Variants in ANGPT1 observed in about 807,000 individuals in gnomAD.
ANGPT1 encodes the protein angiopoietin 1.
ANGPT1 carries 17 observed loss-of-function variants against 62.2 expected under a neutral mutation model. The ratio of observed to expected loss-of-function variants is 0.27; its 90% CI spans 0.19 to 0.41. The LOEUF is 0.41. Among genes scored for constraint, ANGPT1 ranks in the 10% least tolerant of loss-of-function variants. ANGPT1 has a pLI of 1.00. For missense variants in ANGPT1, 478 were observed against 594.9 expected (o/e 0.80, Z 2.04); for synonymous variants, 199 against 198.9 (o/e 1.00, Z 0.00).
chr8:107,441,865 C>G (rs1252916130), intron 1 of ANGPT1, among the ~76,000 whole-genome samples: 1 of 152,082 alleles, frequency 6.6e-6, no homozygotes, highest in Non-Finnish European at 1.5e-5. Flanking sequence ...GTGGGTAGAT[C>G]ACGAGGTCAG....
intron 7 of ANGPT1, among the ~76,000 whole-genome samples, chr8:107,268,218 T>G (rs1202410197): frequency 6.6e-6 from 1 of 152,084 alleles, no homozygotes; most frequent in Non-Finnish European, 1.5e-5. Context: ...CTGATTAATT[T>G]TTGGTAAGCT....
intron 1 of ANGPT1, among the ~76,000 whole-genome samples, chr8:107,460,660 T>G (rs1812046456): frequency 6.6e-6 from 1 of 152,188 alleles, no homozygotes; most frequent in Non-Finnish European, 1.5e-5. Context: ...CATGATGTGC[T>G]AGTCAAATTG....
At chr8:107,325,124 G>A (rs1051844138) in intron 3 of ANGPT1, among the ~76,000 whole-genome samples, 2 of 152,064 alleles carry the variant, frequency 1.3e-5, no homozygotes, top group African/African-American at 2.4e-5. Context: ...GGAGAAGTTC[G>A]TGGTAAAACA....
intron 1 of ANGPT1, among the ~76,000 whole-genome samples, chr8:107,360,148 G>A (rs1015269916): frequency 1.3e-5 from 2 of 152,028 alleles, no homozygotes; most frequent in African/African-American, 2.4e-5. Flanking sequence ...AAACAAATAA[G>A]AAGAAATAAA....
At chr8:107,321,791 A>AT in intron 4 of ANGPT1, 105 bp downstream of exon 4, 1 of 911,014 alleles carries the variant, frequency 1.1e-6, no homozygotes. Context: ...TTCTTCTGCT[A>AT]TTTTTTACAC....
At chr8:107,316,960 C>G (rs1196881662) in intron 4 of ANGPT1, among the ~76,000 whole-genome samples, 2 of 152,146 alleles carry the variant, frequency 1.3e-5, no homozygotes, top group East Asian at 3.9e-4. Context: ...CATGGTAACT[C>G]CCTCATGTTG....
intron 1 of ANGPT1, among the ~76,000 whole-genome samples, chr8:107,418,394 ATGAGTGTC>A (rs1055287992): frequency 6.6e-6 from 1 of 152,178 alleles, no homozygotes; most frequent in African/African-American, 2.4e-5. Context: ...AAATGGGCAC[ATGAGTGTC>A]TGTGTTCTCT....
At chr8:107,428,094 A>T (rs1811084317) in intron 1 of ANGPT1, among the ~76,000 whole-genome samples, 1 of 152,256 alleles carries the variant, frequency 6.6e-6, no homozygotes, top group African/African-American at 2.4e-5. Context: ...ATGGCCTTTC[A>T]TGTGACCTTT....
chr8:107,417,160 G>T (rs1345611020), intron 1 of ANGPT1, among the ~76,000 whole-genome samples: 1 of 152,048 alleles, frequency 6.6e-6, no homozygotes, highest in African/African-American at 2.4e-5. Context: ...GCCTTCAGGA[G>T]AAATAAAAAG....
intron 7 of ANGPT1, among the ~76,000 whole-genome samples, chr8:107,278,527 G>C (rs1813918561): frequency 5.9e-5 from 9 of 152,228 alleles, no homozygotes. Context: ...GGTTAATCTG[G>C]GTACTCCATT....
intron 4 of ANGPT1, among the ~76,000 whole-genome samples, chr8:107,312,515 C>A (rs1028285183): frequency 6.6e-6 from 1 of 152,198 alleles, no homozygotes; most frequent in Non-Finnish European, 1.5e-5. Flanking sequence ...GACACATACA[C>A]AAAATTCCAC....
At chr8:107,354,477 T>C (rs1332502088) in intron 1 of ANGPT1, among the ~76,000 whole-genome samples, 1 of 152,168 alleles carries the variant, frequency 6.6e-6, no homozygotes, top group African/African-American at 2.4e-5. Context: ...TTCTAATGAC[T>C]CATGAAGCTC....
At chr8:107,305,877 A>T (rs1814703332) in intron 4 of ANGPT1, among the ~76,000 whole-genome samples, 1 of 152,068 alleles carries the variant, frequency 6.6e-6, no homozygotes, top group Admixed American at 6.6e-5. Context: ...TAGAGTAGCA[A>T]GGCATTGAAA....
At chr8:107,462,782 C>T (rs563081551) in intron 1 of ANGPT1, among the ~76,000 whole-genome samples, 1 of 151,876 alleles carries the variant, frequency 6.6e-6, no homozygotes, top group Non-Finnish European at 1.5e-5. Context: ...AGAAAACAAC[C>T]GACTAACCAA....
intron 6 of ANGPT1, among the ~76,000 whole-genome samples, chr8:107,288,303 C>T (rs577685434): frequency 1.3e-5 from 2 of 152,192 alleles, no homozygotes; most frequent in African/African-American, 4.8e-5. Context: ...TTATTCTTAC[C>T]TTTGCTTCCA....
rs1053347265 is a variant in ANGPT1, at chr8:107,251,249, A to G, written c.*606T>C. On this transcript the variant is annotated 3_prime_UTR_variant, in exon 9 of 9. Transcript: ENST00000517746. ...TATGGCTTACAAAAATGGAATTTTC[A>G]TTTGAAGATGGGTAAGCAGAAATCA... 6.6e-6 allele frequency: 1 copy of G among 152,410 alleles called. No individual in the cohort carries two copies. The highest frequency in any genetic ancestry group is 1.5e-5 in the Non-Finnish European group (1 of 68,076). The allele number at this position is 152,410 out of a possible 1,614,324, so 9.4% of individuals were successfully genotyped here.
chr8:107,292,495 C>T (rs1814302531), intron 6 of ANGPT1, among the ~76,000 whole-genome samples: 1 of 152,048 alleles, frequency 6.6e-6, no homozygotes. Flanking sequence ...AATTTGTCAC[C>T]CTTACCCTGT....
rs1563649938 is a variant in ANGPT1, at chr8:107,497,509, A to G, written c.50T>C (p.Ile17Thr). The change falls in exon 1 of 9, where the codon ATA (isoleucine) becomes ACA (threonine). Residue 17 changes from isoleucine (I) to threonine (T), a missense_variant. By Grantham distance (89) the Ile-to-Thr change is moderately conservative. Coordinates refer to ENST00000517746, the MANE Select transcript of ANGPT1 (RefSeq NM_001146.5). ...ACTTCGGCGCTGATTGCTGCACCCT[A>G]TGTGAGTCAGAATGGCAGCGAGGAA... ...FAFLAAILTH[I>T]GCSNQRRSPE... The G allele has an allele frequency of 1.9e-6, 3 of 1,614,090 alleles. No individual in the cohort carries two copies. The highest frequency in any genetic ancestry group is 8.5e-7 in the Non-Finnish European group (1 of 1,180,020).
At position 107,457,853 on chromosome 8, in the gene ANGPT1, CA is replaced by C. The variant is rs1422834549; in HGVS notation, c.297+39408del. 2.4e-4 allele frequency among the ~76,000 whole-genome samples: 36 copies of C among 150,378 alleles called. 1 individual carries two copies. Among genetic ancestry groups the C allele is most frequent in the East Asian group, 1.4e-3 (7 of 5,134 alleles). On this transcript the variant is annotated intron_variant, in intron 1 of 8. Coordinates refer to ENST00000517746, the MANE Select transcript of ANGPT1 (RefSeq NM_001146.5). Reference sequence around the variant, plus strand: ...ACACACACACACACACACACACACACACACACACACACACCAAGAGGGGAAA... The same window carrying C: ...ACACACACACACACACACACACACACCACACACACACACCAAGAGGGGAAA...
Sources: gnomAD v4.1 joint callset for allele counts (sites outside exome capture counted in the v4.1 genomes callset) on GRCh38, gnomAD v4.1.1 for gene constraint, MANE v1.5 for transcripts, NCBI Gene and HGNC (gene_info 2026-07-23, HGNC 2026-07-21) for gene names.